Variants in RBFOX1 observed in about 807,000 individuals in gnomAD.
RBFOX1 encodes RNA binding protein fox-1 homolog 1.
RBFOX1 carries 8 observed loss-of-function variants against 57.7 expected under a neutral mutation model. The observed-to-expected ratio is 0.14, with a 90% CI of 0.08 to 0.25. RBFOX1 has a LOEUF of 0.25. Ranked by LOEUF, RBFOX1 falls within the 10% of genes least tolerant of loss-of-function variation. The pLI, the probability that RBFOX1 is intolerant of heterozygous loss-of-function variation, is 1.00. For synonymous variants in RBFOX1, 326 were observed against 222.4 expected (o/e 1.47, Z -4.15); for missense variants, 611 against 548.5 (o/e 1.11, Z -1.14).
At chr16:5,515,514 A>G (rs1263002850) in intron 2 of RBFOX1, among the ~76,000 whole-genome samples, 1 of 152,204 alleles carries the variant, frequency 6.6e-6, no homozygotes, top group Non-Finnish European at 1.5e-5. Context: ...ACTAAAATCA[A>G]ATCAACAGCT....
intron 1 of RBFOX1, among the ~76,000 whole-genome samples, chr16:6,077,901 G>C (rs563241029): frequency 6.6e-6 from 1 of 152,048 alleles, no homozygotes; most frequent in African/African-American, 2.4e-5. Flanking sequence ...CATCCAAGGA[G>C]TAGACATTGG....
intron 4 of RBFOX1, among the ~76,000 whole-genome samples, chr16:5,967,783 C>A (rs1276353551): frequency 1.3e-5 from 2 of 152,074 alleles, no homozygotes; most frequent in Non-Finnish European, 2.9e-5. Flanking sequence ...TACACACAGG[C>A]TCAGAATTAT....
rs77939005 is a variant in RBFOX1, at chr16:5,631,951, G to C, written c.318+32990G>C. ...ACAGTAGAAATGGCATCCCCAAGTA[G>C]GAAAGAAAGGTTAAGCCTCCACCTG... is the stretch of plus-strand genomic sequence containing the variant. On this transcript the variant is annotated intron_variant, in intron 3 of 19. Transcript: ENST00000641259. Among the ~76,000 whole-genome samples, 423 of 152,270 alleles carry C rather than the reference G, an allele frequency of 2.8e-3. 10 individuals carry two copies. In the East Asian group the frequency reaches 0.052, roughly 19 times the overall value.
chr16:6,651,513 C>G (rs530626740), intron 2 of RBFOX1, among the ~76,000 whole-genome samples: 15 of 152,228 alleles, frequency 9.9e-5, no homozygotes, highest in Admixed American at 8.5e-4. Context: ...AAATAGAAGT[C>G]AGATCATGCC....
chr16:5,933,283 A>T (rs2059104028), intron 4 of RBFOX1, among the ~76,000 whole-genome samples: 1 of 152,172 alleles, frequency 6.6e-6, no homozygotes, highest in South Asian at 2.1e-4. Context: ...TAGAAAAAGC[A>T]CCAAACCAAG....
At chr16:5,925,248 GA>G (rs2058916879) in intron 4 of RBFOX1, among the ~76,000 whole-genome samples, 1 of 152,188 alleles carries the variant, frequency 6.6e-6, no homozygotes, top group Non-Finnish European at 1.5e-5. Context: ...CCAAAAGATG[GA>G]AGCAAACCAA....
At chr16:6,889,384 A>G (rs907102872) in intron 3 of RBFOX1, among the ~76,000 whole-genome samples, 4 of 152,230 alleles carry the variant, frequency 2.6e-5, no homozygotes, top group African/African-American at 9.6e-5. Flanking sequence ...CAGTAAGGCC[A>G]GTGATATCTT....
intron 4 of RBFOX1, among the ~76,000 whole-genome samples, chr16:5,870,895 A>G (rs1005021928): frequency 1.7e-4 from 26 of 151,364 alleles, no homozygotes; most frequent in African/African-American, 5.8e-4. Flanking sequence ...AGAGACAAAC[A>G]GTTGTAATTT....
At chr16:7,093,450 A>T (rs2061193261) in intron 4 of RBFOX1, among the ~76,000 whole-genome samples, 1 of 152,084 alleles carries the variant, frequency 6.6e-6, no homozygotes, top group South Asian at 2.1e-4. Flanking sequence ...CACATCTTTA[A>T]TGTTGCTTAA....
chr16:6,486,396 T>C (rs956807095), intron 2 of RBFOX1, among the ~76,000 whole-genome samples: 1 of 152,058 alleles, frequency 6.6e-6, no homozygotes, highest in Admixed American at 6.6e-5. Context: ...TGAAAAGTCA[T>C]CTAAAAGAGG....
intron 1 of RBFOX1, among the ~76,000 whole-genome samples, chr16:6,213,575 G>A (rs528682829): frequency 8.5e-5 from 13 of 152,292 alleles, no homozygotes; most frequent in East Asian, 3.9e-4. Flanking sequence ...GAAAAGTTGC[G>A]TAAGTCATGC....
chr16:7,642,614 G>A (rs1031719314), intron 11 of RBFOX1, among the ~76,000 whole-genome samples: 2 of 152,134 alleles, frequency 1.3e-5, no homozygotes, highest in Non-Finnish European at 2.9e-5. Context: ...CTGTTAGATA[G>A]AACATGAATG....
intron 4 of RBFOX1, among the ~76,000 whole-genome samples, chr16:7,408,134 A>G (rs4581716): frequency 0.31 from 47,855 of 152,144 alleles, 8,060 homozygotes; most frequent in Non-Finnish European, 0.38. Flanking sequence ...CATGGGGGTC[A>G]GAACATACAC....
At chr16:5,304,559 C>G (rs1365659774) in intron 1 of RBFOX1, among the ~76,000 whole-genome samples, 1 of 152,154 alleles carries the variant, frequency 6.6e-6, no homozygotes, top group Non-Finnish European at 1.5e-5. Flanking sequence ...ATGTGTTCAC[C>G]CATTCATTCA....
At chr16:6,046,874 T>C (rs1052047117) in intron 1 of RBFOX1, among the ~76,000 whole-genome samples, 5 of 152,124 alleles carry the variant, frequency 3.3e-5, no homozygotes, top group African/African-American at 7.2e-5. Context: ...AGATATTACA[T>C]TGGGTGATTA....
chr16:5,450,538 A>C (rs978262335), intron 1 of RBFOX1, among the ~76,000 whole-genome samples: 4 of 152,214 alleles, frequency 2.6e-5, no homozygotes, highest in African/African-American at 9.6e-5. Flanking sequence ...TGGCGCTGCT[A>C]GGAGAGGTTG....
intron 11 of RBFOX1, among the ~76,000 whole-genome samples, chr16:7,641,356 T>G (rs2062758445): frequency 6.6e-6 from 1 of 152,164 alleles, no homozygotes; most frequent in East Asian, 1.9e-4. Flanking sequence ...TGTAAACACG[T>G]GCTTCAAACA....
At chr16:7,107,466 C>T (rs1037856123) in intron 4 of RBFOX1, among the ~76,000 whole-genome samples, 9 of 152,122 alleles carry the variant, frequency 5.9e-5, no homozygotes, top group African/African-American at 2.2e-4. Context: ...GCTTTATTTT[C>T]TTAAACACAG....
chr16:6,769,552 T>G (rs1409299160), intron 3 of RBFOX1, among the ~76,000 whole-genome samples: 2 of 152,228 alleles, frequency 1.3e-5, no homozygotes, highest in African/African-American at 4.8e-5. Flanking sequence ...CTGTTTCCTG[T>G]TTTTGCCTAT....
Sources: gnomAD v4.1 joint callset for allele counts (sites outside exome capture counted in the v4.1 genomes callset) on GRCh38, gnomAD v4.1.1 for gene constraint, MANE v1.5 for transcripts, NCBI Gene and HGNC (gene_info 2026-07-23, HGNC 2026-07-21) for gene names.